Variants in PHTF2 observed in about 807,000 individuals in gnomAD.
The protein encoded by PHTF2 is protein PHTF2.
In PHTF2, 60 loss-of-function variants were observed where a neutral mutation model predicts 101.2. That is an observed-to-expected ratio of 0.59 (90% CI 0.48 to 0.73). PHTF2 has a LOEUF of 0.73. PHTF2 is among the 30% of genes least tolerant of loss of function. The pLI, the probability that PHTF2 is intolerant of heterozygous loss-of-function variation, is 0.00. For missense variants in PHTF2, 747 were observed against 908.7 expected (o/e 0.82, Z 2.29); for synonymous variants, 311 against 307.3 (o/e 1.01, Z -0.13).
chr7:77,855,209 T>C (rs1336874082), intron 3 of PHTF2, among the ~76,000 whole-genome samples: 1 of 152,126 alleles, frequency 6.6e-6, no homozygotes, highest in African/African-American at 2.4e-5. Flanking sequence ...GCTGCGTCCT[T>C]CTCTTCAAGG....
chr7:77,943,362 C>T (rs1240127201), intron 16 of PHTF2, among the ~76,000 whole-genome samples: 2 of 152,106 alleles, frequency 1.3e-5, no homozygotes, highest in South Asian at 2.1e-4. Context: ...CTCCTGACCT[C>T]GTGATCTGCC....
intron 1 of PHTF2, among the ~76,000 whole-genome samples, chr7:77,835,974 C>T (rs1053927932): frequency 9.2e-5 from 14 of 151,626 alleles, no homozygotes; most frequent in South Asian, 6.2e-4. Context: ...ACAAATTAGC[C>T]GGGTGTAGTG....
Position 77,910,414 on chromosome 7 carries a change from GTATT to G in PHTF2, c.776+12_776+15del, listed in dbSNP as rs1802276303. 4.3e-6 allele frequency: 7 copies of G among 1,609,618 alleles called. No individual in the cohort carries two copies. Among genetic ancestry groups the G allele is most frequent in the Non-Finnish European group, 5.9e-6 (7 of 1,177,580 alleles). ...TGCTGCTTTCTTTTTATCAGGGTTT[GTATT>G]TATTTAAGGTTTTATATGGCATAGA... On this transcript the variant is annotated splice_donor_region_variant and intron_variant, in intron 9 of 19. Coordinates refer to ENST00000416283, the Ensembl canonical transcript of PHTF2.
rs185641147 is a variant in PHTF2 at position 77,950,996 on chromosome 7, C to G, written c.2116-621C>G. ...GCCAGATTGGGGGTAAAGGTGAGAT[C>G]AAATGGGGATAAGCACAGTTGCCTA... On this transcript the variant is annotated intron_variant, in intron 17 of 19. Transcript: ENST00000416283. 1.6e-4 allele frequency among the ~76,000 whole-genome samples: 24 copies of G among 152,306 alleles called. No individual in the cohort carries two copies. In the East Asian group the frequency reaches 4.1e-3, roughly 26 times the overall value.
At chr7:77,951,959 G>A (rs965351712) in intron 18 of PHTF2, among the ~76,000 whole-genome samples, 1 of 151,916 alleles carries the variant, frequency 6.6e-6, no homozygotes, top group Non-Finnish European at 1.5e-5. Context: ...GTAGAGGTTG[G>A]CATCTTTGGA....
chr7:77,950,463 C>G (rs570218168), intron 17 of PHTF2, among the ~76,000 whole-genome samples: 3 of 152,150 alleles, frequency 2.0e-5, no homozygotes, highest in African/African-American at 7.2e-5. Flanking sequence ...GAGTTCAAGA[C>G]CAGCCTGGCC....
chr7:77,915,475 T>C (rs1345155730), intron 9 of PHTF2, among the ~76,000 whole-genome samples: 2 of 152,006 alleles, frequency 1.3e-5, no homozygotes, highest in Admixed American at 1.3e-4. Flanking sequence ...CCTCCCAGAG[T>C]GCTAGGATTA....
At chr7:77,903,849 T>C (rs771219017) in intron 7 of PHTF2, among the ~76,000 whole-genome samples, 7 of 152,248 alleles carry the variant, frequency 4.6e-5, no homozygotes, top group Middle Eastern at 3.2e-3. Flanking sequence ...CTCTGAGTTA[T>C]GTCCTCATTC....
At chr7:77,850,191 A>AT (rs1428727961) in intron 2 of PHTF2, among the ~76,000 whole-genome samples, 21 of 138,922 alleles carry the variant, frequency 1.5e-4, no homozygotes, top group African/African-American at 5.5e-4. Context: ...TCTCTACAAA[A>AT]TTTAAAAAAA....
intron 16 of PHTF2, among the ~76,000 whole-genome samples, chr7:77,948,845 T>A (rs550944190): frequency 6.6e-6 from 1 of 152,318 alleles, no homozygotes; most frequent in African/African-American, 2.4e-5. Context: ...TATAAATTGG[T>A]GCAACTATTT....
chr7:77,808,973 T>A (rs1203044643), intron 1 of PHTF2, among the ~76,000 whole-genome samples: 2 of 152,172 alleles, frequency 1.3e-5, no homozygotes, highest in African/African-American at 4.8e-5. Flanking sequence ...GTGGGAACTC[T>A]TGTATATTGA....
intron 1 of PHTF2, among the ~76,000 whole-genome samples, chr7:77,810,602 A>G (rs1422698174): frequency 6.6e-6 from 1 of 152,188 alleles, no homozygotes; most frequent in Non-Finnish European, 1.5e-5. Context: ...CAGTGGCACA[A>G]TCTTGGCTCA....
chr7:77,858,718 AATG>A (rs1394472113), intron 3 of PHTF2, among the ~76,000 whole-genome samples: 1 of 151,636 alleles, frequency 6.6e-6, no homozygotes. Context: ...CAATGACAGG[AATG>A]ATGATGATGT....
intron 16 of PHTF2, among the ~76,000 whole-genome samples, chr7:77,946,825 A>G (rs1425748662): frequency 6.6e-6 from 1 of 152,186 alleles, no homozygotes; most frequent in Non-Finnish European, 1.5e-5. Flanking sequence ...TAGATAATTG[A>G]AAACTGTAAA....
exon 19 of PHTF2, chr7:77,953,803 C>G (rs750497981): frequency 6.2e-6 from 10 of 1,613,000 alleles, no homozygotes; most frequent in Non-Finnish European, 2.5e-6. Context: ...TATGGGCTTA[C>G]AATGAATCCG....
chr7:77,827,398 A>C (rs1277290205), intron 1 of PHTF2, among the ~76,000 whole-genome samples: 6 of 152,158 alleles, frequency 3.9e-5, no homozygotes, highest in Non-Finnish European at 8.8e-5. Flanking sequence ...TCTGTCACCC[A>C]GGCTAGAGTG....
At chr7:77,851,682 C>G (rs1268195603) in intron 2 of PHTF2, among the ~76,000 whole-genome samples, 1 of 151,084 alleles carries the variant, frequency 6.6e-6, no homozygotes, top group African/African-American at 2.4e-5. Context: ...ATCTGGCTGC[C>G]TTGGCCTCCC....
At chr7:77,890,194 A>G (rs1304616678) in intron 3 of PHTF2, among the ~76,000 whole-genome samples, 1 of 152,124 alleles carries the variant, frequency 6.6e-6, no homozygotes, top group Admixed American at 6.5e-5. Context: ...TGCTATTTAC[A>G]GTGAAATATG....
At chr7:77,901,919 A>G in exon 7 of PHTF2, 1 of 1,557,222 alleles carries the variant, frequency 6.4e-7, no homozygotes. Flanking sequence ...ATCTTCTTCA[A>G]GGTATAATTA....
Sources: allele counts gnomAD v4.1 joint callset (sites outside exome capture counted in the v4.1 genomes callset), GRCh38; gene constraint gnomAD v4.1.1; transcripts MANE v1.5; gene names NCBI Gene and HGNC (gene_info 2026-07-23, HGNC 2026-07-21).